Variants in IRAG1 observed in about 807,000 individuals in gnomAD.
The protein encoded by IRAG1 is IP3R-associated cGMP kinase substrate.
IRAG1 carries 62 observed loss-of-function variants against 106.2 expected under a neutral mutation model. The observed-to-expected ratio is 0.58, with a 90% confidence interval of 0.48 to 0.72. The LOEUF (loss-of-function observed/expected upper bound fraction) is 0.72, where lower values mean the gene tolerates loss of function less well. Ranked by LOEUF, IRAG1 falls within the 30% of genes least tolerant of loss-of-function variation. The probability of loss-of-function intolerance (pLI) is 0.00; values close to 1 mark genes in which losing one functional copy is unlikely to be tolerated. For synonymous variants in IRAG1, 462 were observed against 443.9 expected (o/e 1.04, Z -0.51); for missense variants, 1,064 against 1,140.7 (o/e 0.93, Z 0.97).
At chr11:10,609,628 G>A in intron 11 of IRAG1, 100 bp downstream of exon 11, 2 of 1,377,996 alleles carry the variant, frequency 1.5e-6, no homozygotes, top group East Asian at 4.9e-5. Context: ...GGCCCTTCTG[G>A]GTTCAAGAAT....
chr11:10,624,023 A>T (rs1355474121), intron 9 of IRAG1, among the ~76,000 whole-genome samples, 167 bp from the exon 10 acceptor site: 1 of 151,870 alleles, frequency 6.6e-6, no homozygotes, highest in Non-Finnish European at 1.5e-5. Context: ...AGCACCAGGA[A>T]ATAGTTCCTC....
chr11:10,643,856 T>C (rs1857734468), intron 2 of IRAG1, among the ~76,000 whole-genome samples: 1 of 152,170 alleles, frequency 6.6e-6, no homozygotes, highest in African/African-American at 2.4e-5. Context: ...GCCTGATGTG[T>C]GGAGACAGAA....
Position 10,575,093 on chromosome 11 carries a change from C to G in IRAG1, c.*1239G>C, listed in dbSNP as rs1159774106. 4 of 152,078 alleles carry G rather than the reference C, an allele frequency of 2.6e-5. No homozygotes were observed. The highest frequency in any genetic ancestry group is 2.6e-4 in the Admixed American group (4 of 15,268). The allele number at this position is 152,078 out of a possible 1,614,324, so 9.4% of individuals were successfully genotyped here. A position where few individuals can be genotyped will look rare whatever the true frequency, so the allele number is the denominator to read the frequency against. On this transcript the variant is annotated 3_prime_UTR_variant, in exon 21 of 21. Transcript: ENST00000423302. ...AAACAAAAATGCAAAACAATGACAA[C>G]AAAACCCACATGGAAATCAAACCTC...
At chr11:10,687,604 A>G (rs939931055) in intron 1 of IRAG1, 1 of 1,120,318 alleles carries the variant, frequency 8.9e-7, no homozygotes, top group Non-Finnish European at 1.1e-6. Flanking sequence ...TCAGTGAAGG[A>G]AAGAGGTGTT....
rs1850807891 is a variant in IRAG1, at chr11:10,576,311, A to C, written c.*21T>G. ...TAGTCTGAGTGTCTCAGAGCAGGGC[A>C]CTGGCTAGGTGTGAGGTTTCCTACT... On this transcript the variant is annotated 3_prime_UTR_variant, in exon 21 of 21. Coordinates refer to ENST00000423302, the MANE Select transcript of IRAG1 (RefSeq NM_130385.4). The C allele has an allele frequency of 6.2e-7, 1 of 1,612,646 alleles. No individual in the cohort carries two copies. The highest frequency in any genetic ancestry group is 1.1e-5 in the South Asian group (1 of 90,998).
chr11:10,628,829 C>T lies in IRAG1; in HGVS notation c.575-1G>A. On this transcript the variant is annotated splice_acceptor_variant, in intron 5 of 20. Coordinates refer to ENST00000423302, the MANE Select transcript of IRAG1 (RefSeq NM_130385.4). LOFTEE classifies it high-confidence loss of function. The surrounding 1 kb of genome is among the most constrained non-coding windows in gnomAD (Gnocchi z 4.1). ...CTGGGGCTGAGGTTCGGGGAAACAG[C>T]TGTGAAGACAGACACAAATTGGCTG... 1 of 1,577,790 alleles carries T rather than the reference C, an allele frequency of 6.3e-7. No homozygotes were observed. Among genetic ancestry groups the T allele is most frequent in the South Asian group, 1.2e-5 (1 of 85,218 alleles).
chr11:10,633,365 G>A (rs556444428), intron 3 of IRAG1, among the ~76,000 whole-genome samples: 27 of 152,242 alleles, frequency 1.8e-4, no homozygotes, highest in Admixed American at 1.1e-3. Flanking sequence ...ATGAGCCACT[G>A]CGCCCGGCCG....
chr11:10,625,442 T>A (rs1229187160), intron 9 of IRAG1, among the ~76,000 whole-genome samples: 1 of 152,182 alleles, frequency 6.6e-6, no homozygotes, highest in African/African-American at 2.4e-5. Flanking sequence ...GGGGACACCA[T>A]GGGCACTGGA....
chr11:10,637,235 G>T (rs1033391928), intron 2 of IRAG1, among the ~76,000 whole-genome samples: 4 of 152,188 alleles, frequency 2.6e-5, no homozygotes, highest in Non-Finnish European at 5.9e-5. Context: ...AATAGGAGCT[G>T]TGTCTCCATT....
At chr11:10,590,279 CAGAG>C (rs753486175) in intron 18 of IRAG1, among the ~76,000 whole-genome samples, 10 of 152,174 alleles carry the variant, frequency 6.6e-5, no homozygotes, top group Admixed American at 1.3e-4. Flanking sequence ...CAAGAAAAGA[CAGAG>C]AGAGAGACCC....
chr11:10,658,954 ATGGCTGCCCAAGGTCTGTGCTG>A (rs1859177328), intron 1 of IRAG1, among the ~76,000 whole-genome samples: 1 of 118,516 alleles, frequency 8.4e-6, no homozygotes, highest in African/African-American at 3.4e-5. Flanking sequence ...GGTCTGTGCT[ATGGCTGCCCAAGGTCTGTGCTG>A]TGGCTGCCCA....
At chr11:10,643,892 T>C (rs80049899) in intron 2 of IRAG1, among the ~76,000 whole-genome samples, 30 of 152,354 alleles carry the variant, frequency 2.0e-4, no homozygotes, top group African/African-American at 7.0e-4. Flanking sequence ...ATCTGTTTCA[T>C]TGCTCACAAT....
chr11:10,600,997 C>T lies in IRAG1; in HGVS notation c.1938G>A (p.Thr646=), dbSNP rs201976412. 71 of 1,614,084 alleles carry T rather than the reference C, an allele frequency of 4.4e-5. 1 individual carries two copies. In the African/African-American group the frequency reaches 5.3e-4, roughly 12 times the overall value. ...TGAGCTCCGCATGGTCCTTCTCATACGTCCTCTTTAGATTCTCCACATACT... is the reference window on the plus strand; with the variant it reads ...TGAGCTCCGCATGGTCCTTCTCATATGTCCTCTTTAGATTCTCCACATACT... The part of the protein sequence containing the change: ...MMQYVENLKR[T]YEKDHAELME... Residue 646 remains threonine (T), a synonymous_variant, in exon 15 of 21, where the codon ACG becomes ACA. Coordinates refer to ENST00000423302, the MANE Select transcript of IRAG1 (RefSeq NM_130385.4).
intron 14 of IRAG1, 88 bp downstream of exon 14, chr11:10,603,032 G>A: frequency 6.9e-7 from 1 of 1,451,888 alleles, no homozygotes; most frequent in Non-Finnish European, 9.2e-7. Flanking sequence ...ACCTCTAAGT[G>A]GTATCTGTAG....
chr11:10,616,290 C>CAAAA (rs71034776), intron 10 of IRAG1, among the ~76,000 whole-genome samples: 1 of 117,346 alleles, frequency 8.5e-6, no homozygotes, highest in African/African-American at 3.2e-5. Context: ...GACTCCATCT[C>CAAAA]AAAAAAAAAA....
intron 10 of IRAG1, among the ~76,000 whole-genome samples, chr11:10,622,855 C>T (rs73413810): frequency 2.5e-5 from 2 of 79,270 alleles, no homozygotes; most frequent in African/African-American, 7.8e-5. Context: ...CTAGTAGTGC[C>T]AGGCATTGTT....
At chr11:10,655,795 G>A (rs1247091376) in intron 1 of IRAG1, among the ~76,000 whole-genome samples, 1 of 152,120 alleles carries the variant, frequency 6.6e-6, no homozygotes, top group Admixed American at 6.5e-5. Flanking sequence ...CTTCCAAAAA[G>A]AGCTTAAGTC....
At chr11:10,669,815 C>T (rs971013411) in intron 1 of IRAG1, among the ~76,000 whole-genome samples, 4 of 152,144 alleles carry the variant, frequency 2.6e-5, no homozygotes, top group African/African-American at 7.2e-5. Context: ...GGGGGCAAAT[C>T]GGTGTAACTG....
intron 10 of IRAG1, among the ~76,000 whole-genome samples, chr11:10,623,279 C>T (rs565246172): frequency 3.9e-5 from 6 of 152,166 alleles, no homozygotes; most frequent in African/African-American, 9.6e-5. Flanking sequence ...GGAGGCAGTG[C>T]GGGGGCTGAA....
Sources: gnomAD v4.1 joint callset for allele counts (sites outside exome capture counted in the v4.1 genomes callset) on GRCh38, gnomAD v4.1.1 for gene constraint, Gnocchi (gnomAD v3.1) non-coding constraint, MANE v1.5 for transcripts, NCBI Gene and HGNC (gene_info 2026-07-23, HGNC 2026-07-21) for gene names.